The following SUMF1 variants were observed in gnomAD, a reference collection of about 807,000 sequenced individuals.
The protein encoded by SUMF1 is formylglycine-generating enzyme.
In SUMF1, 48 loss-of-function variants were observed where a neutral mutation model predicts 47.6. The observed-to-expected ratio is 1.01, with a 90% CI of 0.80 to 1.28. SUMF1 has a LOEUF of 1.28. SUMF1 is among the 50% of genes most tolerant of loss of function. The probability of loss-of-function intolerance (pLI) is 0.00; values close to 1 mark genes in which losing one functional copy is unlikely to be tolerated. For synonymous variants in SUMF1, 230 were observed against 192.1 expected, an observed-to-expected ratio of 1.20 and a Z score of -1.63; for missense variants, 571 against 485.4, an observed-to-expected ratio of 1.18 and a Z score of -1.66.
chr3:4,160,523 T>C (rs1215672399), intron 8 of SUMF1, among the ~76,000 whole-genome samples: 1 of 152,040 alleles, frequency 6.6e-6, no homozygotes, highest in Non-Finnish European at 1.5e-5. Context: ...ATTTCTTGCA[T>C]CTCCTCTGCT....
intron 1 of SUMF1, among the ~76,000 whole-genome samples, chr3:4,465,191 G>C (rs769118501): frequency 3.3e-5 from 5 of 152,186 alleles, no homozygotes; most frequent in Non-Finnish European, 7.3e-5. Context: ...AAGAGGGACA[G>C]ACTGGCTTGG....
chr3:4,300,264 C>A (rs1462125681), intron 8 of SUMF1, among the ~76,000 whole-genome samples: 2 of 152,202 alleles, frequency 1.3e-5, no homozygotes, highest in African/African-American at 4.8e-5. Context: ...GCTTCCTCTT[C>A]ACCTTCTACT....
chr3:4,227,477 A>G (rs747646588), intron 8 of SUMF1, among the ~76,000 whole-genome samples: 15 of 152,114 alleles, frequency 9.9e-5, no homozygotes, highest in Non-Finnish European at 1.9e-4. Flanking sequence ...TCATCTATCC[A>G]GTAGCCATTC....
intron 8 of SUMF1, among the ~76,000 whole-genome samples, chr3:4,243,104 TG>T (rs1467471732): frequency 6.6e-6 from 1 of 152,242 alleles, no homozygotes; most frequent in Non-Finnish European, 1.5e-5. Context: ...GGATTGATGG[TG>T]ATATGCCGTT....
intron 8 of SUMF1, among the ~76,000 whole-genome samples, chr3:4,116,643 T>C (rs1366622309): frequency 6.6e-6 from 1 of 152,148 alleles, no homozygotes; most frequent in East Asian, 1.9e-4. Context: ...TCCTTTCTTT[T>C]ATATGAAAAG....
chr3:4,358,359 A>AG (rs1699668400), downstream of SUMF1, among the ~76,000 whole-genome samples: 2 of 127,266 alleles, frequency 1.6e-5, no homozygotes, highest in Admixed American at 1.5e-4. Context: ...AAGAGTTCCT[A>AG]AAACAACAAC....
chr3:4,264,936 C>G (rs1184229734), intron 8 of SUMF1, among the ~76,000 whole-genome samples: 1 of 152,036 alleles, frequency 6.6e-6, no homozygotes, highest in East Asian at 1.9e-4. Flanking sequence ...GAGATCTAGA[C>G]CATCATGGCC....
chr3:4,098,782 GA>G (rs1243482475), intron 8 of SUMF1, among the ~76,000 whole-genome samples: 3 of 152,004 alleles, frequency 2.0e-5, no homozygotes, highest in African/African-American at 4.8e-5. Flanking sequence ...AAACCAAAAG[GA>G]AAAAAAGTTA....
At chr3:4,281,350 A>G (rs1004032232) in intron 8 of SUMF1, among the ~76,000 whole-genome samples, 1 of 152,130 alleles carries the variant, frequency 6.6e-6, no homozygotes, top group Admixed American at 6.6e-5. Context: ...TCACTGTGAG[A>G]GAGAGAGAAA....
intron 1 of SUMF1, among the ~76,000 whole-genome samples, chr3:4,463,909 T>C (rs1252147231): frequency 6.6e-6 from 1 of 152,246 alleles, no homozygotes; most frequent in African/African-American, 2.4e-5. Flanking sequence ...CCAGAGGGAA[T>C]ACACATTAAA....
chr3:4,125,663 T>C (rs989079879), intron 8 of SUMF1, among the ~76,000 whole-genome samples: 2 of 152,136 alleles, frequency 1.3e-5, no homozygotes, highest in Admixed American at 1.3e-4. Context: ...AGTTCTTCTG[T>C]CATAATCAAT....
intron 2 of SUMF1, among the ~76,000 whole-genome samples, chr3:4,450,900 T>C (rs1161921538): frequency 6.6e-6 from 1 of 151,902 alleles, no homozygotes; most frequent in East Asian, 1.9e-4. Flanking sequence ...CCAGCAGGGC[T>C]AGAACATAGT....
chr3:4,432,247 T>G (rs1412967273), intron 3 of SUMF1, among the ~76,000 whole-genome samples: 1 of 151,150 alleles, frequency 6.6e-6, no homozygotes, highest in Admixed American at 6.6e-5. Context: ...TCATACTAGA[T>G]TCCTGTCTTT....
intron 8 of SUMF1, among the ~76,000 whole-genome samples, chr3:4,243,705 A>T (rs1696597005): frequency 6.6e-6 from 1 of 152,078 alleles, no homozygotes; most frequent in South Asian, 2.1e-4. Flanking sequence ...TTTTAGAGTA[A>T]GTATGATGTG....
intron 9 of SUMF1, among the ~76,000 whole-genome samples, chr3:4,066,733 A>G (rs545525044): frequency 6.6e-6 from 1 of 152,150 alleles, no homozygotes; most frequent in Non-Finnish European, 1.5e-5. Flanking sequence ...GTCACCTGCA[A>G]TATAACAAAG....
At chr3:4,342,909 T>G (rs1258981193) in intron 8 of SUMF1, among the ~76,000 whole-genome samples, 1 of 152,184 alleles carries the variant, frequency 6.6e-6, no homozygotes, top group Non-Finnish European at 1.5e-5. Context: ...ACAGGAGAGC[T>G]CAACATTATT....
chr3:4,134,250 G>C (rs982851740), intron 8 of SUMF1, among the ~76,000 whole-genome samples: 2 of 152,060 alleles, frequency 1.3e-5, no homozygotes, highest in Non-Finnish European at 2.9e-5. Flanking sequence ...TAAAAGAACA[G>C]AAATTATAAC....
intron 8 of SUMF1, among the ~76,000 whole-genome samples, chr3:4,281,762 T>A (rs975969715): frequency 2.6e-5 from 4 of 151,912 alleles, no homozygotes; most frequent in Admixed American, 2.6e-4. Context: ...AATAAACCAA[T>A]AAAAGTTATT....
At chr3:4,292,284 G>A (rs1452307870) in intron 8 of SUMF1, among the ~76,000 whole-genome samples, 1 of 152,126 alleles carries the variant, frequency 6.6e-6, no homozygotes, top group African/African-American at 2.4e-5. Context: ...AGGCTAAAAC[G>A]AATAGCATGT....
Sources: allele counts gnomAD v4.1 joint callset (sites outside exome capture counted in the v4.1 genomes callset), GRCh38; gene constraint gnomAD v4.1.1; transcripts MANE v1.5; gene names NCBI Gene and HGNC (gene_info 2026-07-23, HGNC 2026-07-21).